Variants in USP25 observed in about 807,000 individuals in gnomAD.
USP25 encodes ubiquitin specific peptidase 25.
Under a neutral mutation model 158.5 loss-of-function variants are expected in USP25, and 85 were observed. The ratio of observed to expected loss-of-function variants is 0.54; its 90% CI spans 0.45 to 0.64. The LOEUF is 0.64. USP25 is among the 30% of genes least tolerant of loss of function. The pLI, the probability that USP25 is intolerant of heterozygous loss-of-function variation, is 0.00. For synonymous variants in USP25, 464 were observed against 460.4 expected (o/e 1.01, Z -0.10); for missense variants, 1,242 against 1,327.3 (o/e 0.94, Z 1.00).
At chr21:15,822,762 G>C (rs1418454275) in intron 10 of USP25, among the ~76,000 whole-genome samples, 1 of 151,942 alleles carries the variant, frequency 6.6e-6, no homozygotes, top group Non-Finnish European at 1.5e-5. Flanking sequence ...AGATCAAAAT[G>C]AGTAAGCAAA....
chr21:15,751,939 A>C (rs2033045044), intron 1 of USP25, among the ~76,000 whole-genome samples: 1 of 152,154 alleles, frequency 6.6e-6, no homozygotes, highest in African/African-American at 2.4e-5. Context: ...TTGTAATTAA[A>C]AAAATTTTTT....
chr21:15,753,427 G>A (rs746926493), intron 1 of USP25, among the ~76,000 whole-genome samples: 1 of 152,156 alleles, frequency 6.6e-6, no homozygotes, highest in Admixed American at 6.5e-5. Context: ...CTATAGTCCC[G>A]GGGGACCCTC....
chr21:15,871,518 T>C (rs1188984408), intron 23 of USP25, among the ~76,000 whole-genome samples: 1 of 152,170 alleles, frequency 6.6e-6, no homozygotes, highest in Non-Finnish European at 1.5e-5. Flanking sequence ...AAAATTAAAA[T>C]AGAGACCTCG....
intron 20 of USP25, among the ~76,000 whole-genome samples, chr21:15,854,467 C>G (rs1336088546): frequency 6.6e-6 from 1 of 151,618 alleles, no homozygotes; most frequent in African/African-American, 2.4e-5. Context: ...TTTTTAATAT[C>G]TCTTCTGTCC....
chr21:15,819,232 A>G (rs1008863564), intron 10 of USP25, among the ~76,000 whole-genome samples: 1 of 152,238 alleles, frequency 6.6e-6, no homozygotes, highest in Non-Finnish European at 1.5e-5. Flanking sequence ...GAATTTGTCC[A>G]CGATGCCCAG....
rs2037769710 is a variant in USP25, at chr21:15,830,924, A to C, written c.1764+323A>C. 3.3e-5 allele frequency among the ~76,000 whole-genome samples: 5 copies of C among 152,288 alleles called. No individual in the cohort carries two copies. In the South Asian group the frequency reaches 1.0e-3, roughly 32 times the overall value. ...TCAAAAGGCTATAGCATCTTTAAAAAGTCTTATGGGAGAAAATCTATGGTT... is the reference window on the plus strand; with the variant it reads ...TCAAAAGGCTATAGCATCTTTAAAACGTCTTATGGGAGAAAATCTATGGTT... On this transcript the variant is annotated intron_variant, in intron 15 of 25. Transcript: ENST00000400183.
intron 1 of USP25, among the ~76,000 whole-genome samples, chr21:15,736,997 A>T (rs988912226): frequency 4.6e-5 from 7 of 150,964 alleles, no homozygotes; most frequent in Non-Finnish European, 8.8e-5. Context: ...CAGAAATTTC[A>T]CTTGCGTGTG....
At chr21:15,799,409 T>A (rs1374303879) in intron 5 of USP25, 1 of 160,416 alleles carries the variant, frequency 6.2e-6, no homozygotes, top group African/African-American at 2.4e-5. Flanking sequence ...TACATCTAGA[T>A]AATTCATGGT....
At chr21:15,795,865 T>A (rs893509419) in intron 5 of USP25, among the ~76,000 whole-genome samples, 3 of 151,522 alleles carry the variant, frequency 2.0e-5, no homozygotes, top group Admixed American at 2.0e-4. Context: ...ATGAAACTTA[T>A]GTGATACCAT....
Position 15,846,145 on chromosome 21 carries a change from TATATATATATA to T in USP25, c.2338-1517_2338-1507del, listed in dbSNP as rs1222554017. ...GTGTATATATATATATATATATATA[TATATATATATA>T]TATTTTTTTTTTTTTTTTTTTTTTG... is the stretch of plus-strand genomic sequence containing the variant. On this transcript the variant is annotated intron_variant, in intron 18 of 25. Coordinates refer to ENST00000400183, the MANE Select transcript of USP25 (RefSeq NM_001283041.3). Among the ~76,000 whole-genome samples the T allele has an allele frequency of 4.4e-3, 297 of 68,248 alleles. 12 individuals carry two copies. The highest frequency in any genetic ancestry group is 0.02 in the African/African-American group (273 of 13,964). The allele number at this position is 68,248 out of a possible 152,430, so 44.8% of individuals were successfully genotyped here.
Position 15,826,866 on chromosome 21 carries a change from AG to A in USP25, c.1467-110del. ...TTAGATCAATCCACATATTTCTTTA[AG>A]ATTTTTTCTTTTGAATTACAAGCCA... On this transcript the variant is annotated intron_variant, in intron 13 of 25. Transcript: ENST00000400183. This position sits in a 1 kb window ranked among gnomAD's most constrained non-coding sequence, Gnocchi z 4.8. 1.0e-6 allele frequency: 1 copy of A among 989,266 alleles called. No homozygotes were observed. The highest frequency in any genetic ancestry group is 1.5e-6 in the Non-Finnish European group (1 of 675,882). The allele number at this position is 989,266 out of a possible 1,614,324, so 61.3% of individuals were successfully genotyped here. A position where few individuals can be genotyped will look rare whatever the true frequency, so the allele number is the denominator to read the frequency against.
At position 15,877,758 on chromosome 21, in the gene USP25, A is replaced by C. The variant is rs749795146; in HGVS notation, c.3010-38A>C. ...CAGATCCTTAATTTAAAAAGGAAAC[A>C]AAAACCTATTCTTTTTTTTTTCCTG... is the stretch of plus-strand genomic sequence containing the variant. On this transcript the variant is annotated intron_variant, in intron 24 of 25. Coordinates refer to ENST00000400183, the MANE Select transcript of USP25 (RefSeq NM_001283041.3). 10 of 1,469,296 alleles carry C rather than the reference A, an allele frequency of 6.8e-6. No individual in the cohort carries two copies. The African/African-American group carries it at 1.4e-4, about 21-fold the overall frequency. The allele number at this position is 1,469,296 out of a possible 1,614,324, so 91.0% of individuals were successfully genotyped here.
chr21:15,767,542 A>G (rs903497428), intron 3 of USP25, among the ~76,000 whole-genome samples: 7 of 152,110 alleles, frequency 4.6e-5, no homozygotes, highest in Non-Finnish European at 1.0e-4. Flanking sequence ...TTCAAAACCA[A>G]TGAAAGGGAA....
chr21:15,762,556 A>G (rs1379931398), intron 1 of USP25, among the ~76,000 whole-genome samples: 2 of 152,138 alleles, frequency 1.3e-5, no homozygotes, highest in Non-Finnish European at 2.9e-5. Flanking sequence ...TGTGCTTACC[A>G]TCATGGATAA....
chr21:15,784,103 A>C (rs1390998796), intron 4 of USP25, among the ~76,000 whole-genome samples: 1 of 152,274 alleles, frequency 6.6e-6, no homozygotes, highest in African/African-American at 2.4e-5. Context: ...GATTAATACC[A>C]TGAAAATATG....
chr21:15,777,753 G>A, intron 3 of USP25, 151 bp from the exon 4 acceptor site: 1 of 618,642 alleles, frequency 1.6e-6, no homozygotes. Flanking sequence ...TTAAAAATAT[G>A]TTTGCATTTA....
At chr21:15,856,976 C>G (rs895054188) in intron 20 of USP25, among the ~76,000 whole-genome samples, 3 of 152,150 alleles carry the variant, frequency 2.0e-5, no homozygotes, top group African/African-American at 7.2e-5. Context: ...ACCATAGAGG[C>G]TGATGGGAGC....
At chr21:15,839,583 C>T (rs1340329789) in intron 17 of USP25, among the ~76,000 whole-genome samples, 1 of 152,110 alleles carries the variant, frequency 6.6e-6, no homozygotes, top group African/African-American at 2.4e-5. Context: ...TAGTGCTTAT[C>T]TCTGAGTAAT....
At chr21:15,854,809 T>C (rs939422382) in intron 20 of USP25, among the ~76,000 whole-genome samples, 1 of 152,076 alleles carries the variant, frequency 6.6e-6, no homozygotes, top group Non-Finnish European at 1.5e-5. Context: ...GAATGCAGTA[T>C]GAAAAAGTTA....
Sources: gnomAD v4.1 joint callset for allele counts (sites outside exome capture counted in the v4.1 genomes callset) on GRCh38, gnomAD v4.1.1 for gene constraint, Gnocchi (gnomAD v3.1) non-coding constraint, MANE v1.5 for transcripts, NCBI Gene and HGNC (gene_info 2026-07-23, HGNC 2026-07-21) for gene names.